Variants in XRCC5 observed in about 807,000 individuals in gnomAD.
XRCC5 encodes the protein X-ray repair cross complementing 5, also known as DNA repair protein Ku80.
XRCC5 carries 12 observed loss-of-function variants against 95.7 expected under a neutral mutation model. That is an observed-to-expected ratio of 0.13 (90% confidence interval 0.08 to 0.20). XRCC5 has a LOEUF of 0.20. XRCC5 is among the 10% of genes least tolerant of loss of function. The probability of loss-of-function intolerance (pLI) is 1.00; values close to 1 mark genes in which losing one functional copy is unlikely to be tolerated. For synonymous variants in XRCC5, 281 were observed against 290.3 expected (o/e 0.97, Z 0.33); for missense variants, 595 against 873.9 (o/e 0.68, Z 4.02).
At chr2:216,184,769 C>T (rs1050462538) in intron 16 of XRCC5, among the ~76,000 whole-genome samples, 1 of 152,244 alleles carries the variant, frequency 6.6e-6, no homozygotes, top group Non-Finnish European at 1.5e-5. Flanking sequence ...GCTTGAGCCG[C>T]TGGGCCCAGC....
chr2:216,156,731 C>T (rs1688850242), intron 14 of XRCC5: 2 of 536,176 alleles, frequency 3.7e-6, no homozygotes, highest in Admixed American at 1.9e-5. Flanking sequence ...ATTTATTCCT[C>T]AAATGAGGAT....
intron 16 of XRCC5, among the ~76,000 whole-genome samples, chr2:216,166,268 C>T (rs999767886): frequency 1.3e-5 from 2 of 152,066 alleles, no homozygotes; most frequent in African/African-American, 4.8e-5. Flanking sequence ...GCTACAGGCA[C>T]ACACTACCAC....
chr2:216,198,321 G>GA (rs1689768774), intron 19 of XRCC5, among the ~76,000 whole-genome samples: 1 of 68,350 alleles, frequency 1.5e-5, no homozygotes, highest in Admixed American at 1.6e-4. Context: ...AGAATAACCT[G>GA]GAAGTCATAG....
At chr2:216,196,201 T>C (rs1204380062) in intron 19 of XRCC5, among the ~76,000 whole-genome samples, 1 of 149,366 alleles carries the variant, frequency 6.7e-6, no homozygotes, top group African/African-American at 2.5e-5. Flanking sequence ...GCACTTTGCC[T>C]AGCAAAAGAT....
At chr2:216,194,632 A>AAG in intron 18 of XRCC5, among the ~76,000 whole-genome samples, 1 of 152,184 alleles carries the variant, frequency 6.6e-6, no homozygotes, top group Non-Finnish European at 1.5e-5. Context: ...TTGCCTTTAT[A>AAG]GTTTTATATT....
At chr2:216,187,813 ACACACACACTCT>A (rs1399256807) in intron 16 of XRCC5, among the ~76,000 whole-genome samples, 128 of 107,958 alleles carry the variant, frequency 1.2e-3, no homozygotes, top group African/African-American at 2.2e-3. Flanking sequence ...ACACACACAC[ACACACACACTCT>A]CTCTCTCTCT....
At chr2:216,154,244 G>C (rs181184388) in intron 14 of XRCC5, among the ~76,000 whole-genome samples, 32 of 152,210 alleles carry the variant, frequency 2.1e-4, no homozygotes, top group Non-Finnish European at 4.0e-4. Context: ...TAGGAGAATG[G>C]GTGAGTACAG....
At chr2:216,141,372 A>C in intron 13 of XRCC5, 53 bp downstream of exon 13, 1 of 1,607,248 alleles carries the variant, frequency 6.2e-7, no homozygotes, top group Non-Finnish European at 8.5e-7. Flanking sequence ...AAGAGAGCTA[A>C]GTGCAAAGTT....
chr2:216,172,376 G>A (rs1030038192), intron 16 of XRCC5, among the ~76,000 whole-genome samples: 2 of 151,754 alleles, frequency 1.3e-5, no homozygotes, highest in Admixed American at 6.6e-5. Context: ...TAGAATACTC[G>A]GATACACTCC....
At chr2:216,203,276 C>T (rs1689876604) in intron 19 of XRCC5, among the ~76,000 whole-genome samples, 1 of 152,176 alleles carries the variant, frequency 6.6e-6, no homozygotes, top group African/African-American at 2.4e-5. Flanking sequence ...TCTCTATTTA[C>T]TGTTTCTGGC....
At chr2:216,196,913 T>A (rs1689733394) in intron 19 of XRCC5, among the ~76,000 whole-genome samples, 1 of 152,160 alleles carries the variant, frequency 6.6e-6, no homozygotes, top group Admixed American at 6.5e-5. Flanking sequence ...ATCAATCAAT[T>A]TTTGTTAAAC....
At chr2:216,151,080 C>G (rs536151735) in intron 14 of XRCC5, among the ~76,000 whole-genome samples, 1 of 152,150 alleles carries the variant, frequency 6.6e-6, no homozygotes, top group South Asian at 2.1e-4. Context: ...AGGCAATAGT[C>G]AAAACCTAAA....
intron 2 of XRCC5, among the ~76,000 whole-genome samples, chr2:216,113,948 C>T (rs1696638674): frequency 6.6e-6 from 1 of 152,076 alleles, no homozygotes; most frequent in South Asian, 2.1e-4. Flanking sequence ...GGTTAGGTCA[C>T]ATTTAAGGGA....
intron 16 of XRCC5, among the ~76,000 whole-genome samples, chr2:216,184,733 G>A (rs963823590): frequency 2.6e-5 from 4 of 152,160 alleles, no homozygotes; most frequent in African/African-American, 7.2e-5. Context: ...CGCCCGTCTC[G>A]GCCTCCCAAA....
chr2:216,132,206 T>C, intron 9 of XRCC5, 119 bp from the exon 10 acceptor site: 1 of 909,482 alleles, frequency 1.1e-6, no homozygotes, highest in South Asian at 1.5e-5. Context: ...AATAAGGTGT[T>C]TTTAGTATCT....
intron 4 of XRCC5, among the ~76,000 whole-genome samples, 187 bp downstream of exon 4, chr2:216,117,981 G>A (rs1221726256): frequency 6.6e-6 from 1 of 152,012 alleles, no homozygotes; most frequent in Non-Finnish European, 1.5e-5. Flanking sequence ...AAAGGGGAAG[G>A]GCTGTACTCG....
Position 216,156,005 on chromosome 2 carries a change from G to A in XRCC5, c.1671-4063G>A, listed in dbSNP as rs116570645. On this transcript the variant is annotated intron_variant, in intron 14 of 20. Coordinates refer to ENST00000392132, the MANE Select transcript of XRCC5 (RefSeq NM_021141.4). ...CTTTAAAAAGCTCACCCTTCTTATA[G>A]ACGAAGAAGCGAAGACACTAAGTTA... Among the ~76,000 whole-genome samples, 668 of 152,260 alleles carry A rather than the reference G, an allele frequency of 4.4e-3. 3 individuals carry two copies. The highest frequency in any genetic ancestry group is 0.016 in the African/African-American group (645 of 41,532).
At chr2:216,155,392 T>C (rs1030235607) in intron 14 of XRCC5, among the ~76,000 whole-genome samples, 3 of 151,936 alleles carry the variant, frequency 2.0e-5, no homozygotes, top group African/African-American at 7.3e-5. Context: ...GGCTTACAAG[T>C]GTATGAAGAG....
At chr2:216,111,293 G>C (rs1378825077) in intron 1 of XRCC5, 1 of 373,252 alleles carries the variant, frequency 2.7e-6, no homozygotes, top group Non-Finnish European at 5.5e-6. Flanking sequence ...AGGCGGAGGT[G>C]GGAGGATTGC....
Sources: allele counts gnomAD v4.1 joint callset (sites outside exome capture counted in the v4.1 genomes callset), GRCh38; gene constraint gnomAD v4.1.1; transcripts MANE v1.5; gene names NCBI Gene and HGNC (gene_info 2026-07-23, HGNC 2026-07-21).